Variants in MARK1 observed in about 807,000 individuals in gnomAD.
MARK1 encodes the protein serine/threonine-protein kinase MARK1.
In MARK1, 40 loss-of-function variants were observed where a neutral mutation model predicts 96.3. The observed-to-expected ratio is 0.42, with a 90% CI of 0.32 to 0.54. The LOEUF (loss-of-function observed/expected upper bound fraction) is 0.54, where lower values mean the gene tolerates loss of function less well. Ranked by LOEUF, MARK1 falls within the 20% of genes least tolerant of loss-of-function variation. MARK1 has a pLI of 0.16. For missense variants in MARK1, 719 were observed against 984.6 expected, an observed-to-expected ratio of 0.73 and a Z score of 3.61; for synonymous variants, 317 against 341.2, an observed-to-expected ratio of 0.93 and a Z score of 0.78.
At chr1:220,609,675 T>G (rs1324431772) in intron 6 of MARK1, among the ~76,000 whole-genome samples, 3 of 152,210 alleles carry the variant, frequency 2.0e-5, no homozygotes, top group Admixed American at 1.3e-4. Context: ...TGTGGCATGT[T>G]TTTGTAGTGG....
Position 220,618,256 on chromosome 1 carries a change from A to AT in MARK1, c.553-49dup. On this transcript the variant is annotated intron_variant, in intron 7 of 17. Coordinates refer to ENST00000366917, the MANE Select transcript of MARK1 (RefSeq NM_018650.5). The surrounding 1 kb of genome is among the most constrained non-coding windows in gnomAD (Gnocchi z 4.6). ...TGGAAGCTAAAACTCTTTTACAAAT[A>AT]TTTTTATTTTATGTAGGCTTTTTAC... is the stretch of plus-strand genomic sequence containing the variant. The AT allele has an allele frequency of 2.6e-6, 3 of 1,150,666 alleles. No homozygotes were observed. The highest frequency in any genetic ancestry group is 3.8e-6 in the Non-Finnish European group (3 of 781,612). The allele number at this position is 1,150,666 out of a possible 1,614,324, so 71.3% of individuals were successfully genotyped here.
At chr1:220,629,188 C>A (rs903530163) in intron 9 of MARK1, among the ~76,000 whole-genome samples, 1 of 151,954 alleles carries the variant, frequency 6.6e-6, no homozygotes, top group Non-Finnish European at 1.5e-5. Flanking sequence ...CTTTACAGGA[C>A]CTGGAAAAAG....
intron 13 of MARK1, among the ~76,000 whole-genome samples, chr1:220,646,288 A>G (rs1433281949): frequency 6.6e-6 from 1 of 152,212 alleles, no homozygotes; most frequent in Non-Finnish European, 1.5e-5. Flanking sequence ...GAGCCAAATC[A>G]TGAATGAACT....
At chr1:220,623,800 C>T (rs1457058098) in intron 9 of MARK1, among the ~76,000 whole-genome samples, 1 of 152,112 alleles carries the variant, frequency 6.6e-6, no homozygotes, top group African/African-American at 2.4e-5. Context: ...AATCTGTGTG[C>T]TTAGTAAAAG....
chr1:220,597,355 GTC>G (rs1665437893), intron 3 of MARK1, among the ~76,000 whole-genome samples: 1 of 152,054 alleles, frequency 6.6e-6, no homozygotes, highest in Non-Finnish European at 1.5e-5. Context: ...AACTGTTCCA[GTC>G]TCTCCACATC....
At chr1:220,613,641 T>C (rs1666580136) in intron 6 of MARK1, among the ~76,000 whole-genome samples, 1 of 152,218 alleles carries the variant, frequency 6.6e-6, no homozygotes, top group African/African-American at 2.4e-5. Context: ...GTATGTCTAA[T>C]AAAATATACA....
Position 220,528,702 on chromosome 1 carries a change from C to T in MARK1, c.-121C>T. On this transcript the variant is annotated 5_prime_UTR_variant, in exon 1 of 18. Coordinates refer to ENST00000366917, the MANE Select transcript of MARK1 (RefSeq NM_018650.5). Reference sequence around the variant, plus strand: ...GGCCGCTTGTTGCACCGCCCCGCGGCCTGCGGGAGCCGCTCGCCCCGGCCT... The same window carrying T: ...GGCCGCTTGTTGCACCGCCCCGCGGTCTGCGGGAGCCGCTCGCCCCGGCCT... 1 of 816,632 alleles carries T rather than the reference C, an allele frequency of 1.2e-6. No individual in the cohort carries two copies. The highest frequency in any genetic ancestry group is 1.8e-5 in the African/African-American group (1 of 54,428). 50.6% of individuals were successfully genotyped at this position (816,632 alleles called of 1,614,324 possible). A position where few individuals can be genotyped will look rare whatever the true frequency, so the allele number is the denominator to read the frequency against.
intron 3 of MARK1, among the ~76,000 whole-genome samples, chr1:220,586,011 A>ACACACGCACGCG (rs112968910): frequency 0.12 from 17,433 of 148,560 alleles, 1,241 homozygotes; most frequent in East Asian, 0.26. Context: ...ACACACACAC[A>ACACACGCACGCG]CGCGCGCGTG....
chr1:220,634,635 C>G (rs913082715), intron 11 of MARK1, among the ~76,000 whole-genome samples: 1 of 152,114 alleles, frequency 6.6e-6, no homozygotes, highest in East Asian at 1.9e-4. Context: ...TTATTATCAT[C>G]GGTATTGCTC....
chr1:220,619,212 C>T (rs573028240), intron 9 of MARK1, among the ~76,000 whole-genome samples: 7 of 152,314 alleles, frequency 4.6e-5, no homozygotes, highest in South Asian at 4.1e-4. Context: ...CGGTGGCTCA[C>T]GCCTGTAATC....
chr1:220,600,639 T>G (rs1665674692), intron 5 of MARK1, among the ~76,000 whole-genome samples: 1 of 152,100 alleles, frequency 6.6e-6, no homozygotes, highest in East Asian at 1.9e-4. Flanking sequence ...TAAAGAATAC[T>G]TAAAGGGAGG....
chr1:220,577,290 T>C (rs1209372180), intron 1 of MARK1, among the ~76,000 whole-genome samples: 1 of 151,620 alleles, frequency 6.6e-6, no homozygotes, highest in African/African-American at 2.4e-5. Flanking sequence ...AAAAGATACA[T>C]CTTGAAGGCT....
At chr1:220,533,370 CT>C (rs143742518) in intron 1 of MARK1, among the ~76,000 whole-genome samples, 18,139 of 149,238 alleles carry the variant, frequency 0.12, 1,356 homozygotes, top group Non-Finnish European at 0.17. Flanking sequence ...ATTATTACGT[CT>C]TTTTTTTTTA....
chr1:220,585,876 T>A (rs1664563740), intron 3 of MARK1, among the ~76,000 whole-genome samples: 1 of 152,176 alleles, frequency 6.6e-6, no homozygotes, highest in South Asian at 2.1e-4. Flanking sequence ...TTATTTCTTG[T>A]ATCTCTTTTG....
At chr1:220,625,571 A>G (rs1667277752) in intron 9 of MARK1, among the ~76,000 whole-genome samples, 1 of 152,232 alleles carries the variant, frequency 6.6e-6, no homozygotes, top group Non-Finnish European at 1.5e-5. Context: ...TTGAAATAAA[A>G]AGGAACTTAG....
At chr1:220,587,705 C>A (rs1664738541) in intron 3 of MARK1, among the ~76,000 whole-genome samples, 3 of 152,084 alleles carry the variant, frequency 2.0e-5, no homozygotes, top group Admixed American at 2.0e-4. Context: ...TGTTAGATCC[C>A]ATTGTATGAA....
chr1:220,565,061 A>G (rs1662951129), intron 1 of MARK1, among the ~76,000 whole-genome samples: 1 of 152,226 alleles, frequency 6.6e-6, no homozygotes, highest in African/African-American at 2.4e-5. Context: ...AGCATGTAAA[A>G]TCCCAAATGT....
chr1:220,563,006 G>A (rs1451015353), intron 1 of MARK1, among the ~76,000 whole-genome samples: 1 of 152,174 alleles, frequency 6.6e-6, no homozygotes, highest in African/African-American at 2.4e-5. Flanking sequence ...CTGCATTTAA[G>A]TAGGTAGCTT....
At chr1:220,645,924 A>G (rs763656780) in intron 13 of MARK1, among the ~76,000 whole-genome samples, 4 of 152,214 alleles carry the variant, frequency 2.6e-5, no homozygotes, top group Admixed American at 1.3e-4. Context: ...AGTAAGAGGC[A>G]TATATGACAA....
Sources: allele counts gnomAD v4.1 joint callset (sites outside exome capture counted in the v4.1 genomes callset), GRCh38; gene constraint gnomAD v4.1.1; non-coding constraint Gnocchi (gnomAD v3.1); transcripts MANE v1.5; gene names NCBI Gene and HGNC (gene_info 2026-07-23, HGNC 2026-07-21).